Variants in ADGRB1 observed in about 807,000 individuals in gnomAD.
ADGRB1 encodes adhesion G protein-coupled receptor B1, also known as brain-specific angiogenesis inhibitor 1.
Under a neutral mutation model 175.7 loss-of-function variants are expected in ADGRB1, and 36 were observed. The ratio of observed to expected loss-of-function variants is 0.20; its 90% CI spans 0.16 to 0.27. The LOEUF (loss-of-function observed/expected upper bound fraction) is 0.27. Among genes scored for constraint, ADGRB1 ranks in the 10% least tolerant of loss-of-function variants. ADGRB1 has a pLI of 1.00. For missense variants in ADGRB1, 1,731 were observed against 2,255.3 expected, an observed-to-expected ratio of 0.77 and a Z score of 4.71; for synonymous variants, 1,054 against 979.4, an observed-to-expected ratio of 1.08 and a Z score of -1.42.
Position 142,540,887 on chromosome 8 carries a change from G to A in ADGRB1, c.3707-1054G>A, listed in dbSNP as rs182998434. 1.9e-3 allele frequency among the ~76,000 whole-genome samples: 282 copies of A among 152,180 alleles called. 1 individual carries two copies. Among genetic ancestry groups the A allele is most frequent in the Non-Finnish European group, 3.0e-3 (202 of 67,988 alleles). On this transcript the variant is annotated intron_variant, in intron 27 of 30. Transcript: ENST00000517894. ...AGAGGGTGGAGGAGAGGACCAGGCC[G>A]GGAGCATGGCCTGCTGAGCTCTGAG... is the stretch of plus-strand genomic sequence containing the variant.
chr8:142,482,684 C>T (rs1430725887), intron 11 of ADGRB1, among the ~76,000 whole-genome samples: 1 of 151,598 alleles, frequency 6.6e-6, no homozygotes, highest in African/African-American at 2.4e-5. Flanking sequence ...ACACAGTGAA[C>T]CCTGGCCCTG....
rs1482825679 is a variant in ADGRB1 at position 142,510,949 on chromosome 8, C to A, written c.2693C>A (p.Pro898His). 5.4e-6 allele frequency: 7 copies of A among 1,291,126 alleles called. No homozygotes were observed. The highest frequency in any genetic ancestry group is 1.6e-5 in the African/African-American group (1 of 63,000). The allele number at this position is 1,291,126 out of a possible 1,614,324, so 80.0% of individuals were successfully genotyped here. A position where few individuals can be genotyped will look rare whatever the true frequency, so the allele number is the denominator to read the frequency against. ...DETDVPSSSA[P>H]PQLGPWSWRG... is the part of the protein sequence containing the mutation. ...GCCCCCAGACCCTCCTCCTCCGCCCCCCCGCAGCTCGGGCCCTGGTCGTGG... is the reference window on the plus strand; with the variant it reads ...GCCCCCAGACCCTCCTCCTCCGCCCACCCGCAGCTCGGGCCCTGGTCGTGG... The change falls in exon 18 of 31, where the codon CCC becomes CAC. Residue 898 changes from proline to histidine, a missense_variant. Transcript: ENST00000517894. This position sits in a 1 kb window ranked among gnomAD's most constrained non-coding sequence, Gnocchi z 6.3.
intron 22 of ADGRB1, among the ~76,000 whole-genome samples, chr8:142,523,317 C>T (rs1465020866): frequency 7.3e-6 from 1 of 137,156 alleles, no homozygotes; most frequent in Non-Finnish European, 1.6e-5. Flanking sequence ...GAAGGGGAAC[C>T]GAGGCTTGAA....
chr8:142,541,028 T>C (rs1319145134), intron 27 of ADGRB1, among the ~76,000 whole-genome samples: 2 of 151,950 alleles, frequency 1.3e-5, no homozygotes, highest in East Asian at 3.9e-4. Context: ...GAGCAGCTGG[T>C]GAACACAGGC....
chr8:142,460,979 C>T (rs1383033009), intron 1 of ADGRB1, among the ~76,000 whole-genome samples: 1 of 152,218 alleles, frequency 6.6e-6, no homozygotes, highest in Non-Finnish European at 1.5e-5. Flanking sequence ...ACAGGGTGGG[C>T]CTCATACCCT....
intron 4 of ADGRB1, 129 bp downstream of exon 4, chr8:142,476,824 G>A (rs1841005469): frequency 2.9e-6 from 3 of 1,048,156 alleles, no homozygotes; most frequent in Non-Finnish European, 4.0e-6. Context: ...TAGGTGCAGG[G>A]CTCTTGTCTC....
rs561310911 is a variant in ADGRB1, at chr8:142,529,370, ACTTG to A, written c.3398+2747_3398+2750del. 2.9e-4 allele frequency among the ~76,000 whole-genome samples: 44 copies of A among 151,754 alleles called. 1 individual carries two copies. The South Asian group carries it at 7.5e-3, about 26-fold the overall frequency. On this transcript the variant is annotated intron_variant, in intron 24 of 30. Transcript: ENST00000517894. ...TGTGTGTGTGTGCCCATGTGAGAGT[ACTTG>A]CTTTTGTTTCAGGCTTTTAATTTCG...
intron 17 of ADGRB1, among the ~76,000 whole-genome samples, chr8:142,503,683 G>A (rs1218374172): frequency 6.6e-6 from 1 of 152,188 alleles, no homozygotes; most frequent in African/African-American, 2.4e-5. Context: ...TCTCTGCCAG[G>A]CTGGGCAGCC....
chr8:142,452,663 C>T (rs1279968265), intron 1 of ADGRB1, among the ~76,000 whole-genome samples: 1 of 152,190 alleles, frequency 6.6e-6, no homozygotes, highest in South Asian at 2.1e-4. Context: ...AGTCCCGAGA[C>T]CATCTGCGCT....
Position 142,510,988 on chromosome 8 carries a change from C to T in ADGRB1, c.2732C>T (p.Thr911Met). The T allele has an allele frequency of 7.5e-7, 1 of 1,326,140 alleles. No homozygotes were observed. Among genetic ancestry groups the T allele is most frequent in the Non-Finnish European group, 9.8e-7 (1 of 1,022,022 alleles). 82.1% of individuals were successfully genotyped at this position (1,326,140 alleles called of 1,614,324 possible). A position where few individuals can be genotyped will look rare whatever the true frequency, so the allele number is the denominator to read the frequency against. ...CCCTGGTCGTGGCGCGGCTGCCGCA[C>T]GGTGCCCCTCGACGCCCTCCGGACG... ...LGPWSWRGCR[T>M]VPLDALRTRC... Residue 911 changes from threonine (T) to methionine (M), a missense_variant, in exon 18 of 31, where the codon ACG becomes ATG. Coordinates refer to ENST00000517894, the MANE Select transcript of ADGRB1 (RefSeq NM_001702.3). The surrounding 1 kb of genome is among the most constrained non-coding windows in gnomAD (Gnocchi z 6.3).
intron 22 of ADGRB1, 85 bp downstream of exon 22, chr8:142,522,795 G>A (rs965999447): frequency 6.1e-5 from 80 of 1,318,442 alleles, no homozygotes; most frequent in Non-Finnish European, 7.9e-5. Flanking sequence ...GGCTGGCCAT[G>A]CCCTCCCCCC....
intron 1 of ADGRB1, among the ~76,000 whole-genome samples, chr8:142,451,200 G>A (rs1463419211): frequency 1.3e-5 from 2 of 152,166 alleles, no homozygotes; most frequent in Non-Finnish European, 2.9e-5. Flanking sequence ...GCGACCGGGA[G>A]GGCTTGACGG....
At chr8:142,520,253 GTGATGA>G (rs1219855123) in intron 19 of ADGRB1, among the ~76,000 whole-genome samples, 27 of 135,876 alleles carry the variant, frequency 2.0e-4, no homozygotes, top group African/African-American at 6.7e-4. Flanking sequence ...GATGGTGGTG[GTGATGA>G]TGGTGATGGT....
chr8:142,479,207 T>G, intron 7 of ADGRB1, 116 bp from the exon 8 acceptor site: 1 of 1,199,546 alleles, frequency 8.3e-7, no homozygotes, highest in Non-Finnish European at 1.1e-6. Flanking sequence ...TGGGTCCCTA[T>G]GTTTCACTGC....
intron 18 of ADGRB1, among the ~76,000 whole-genome samples, chr8:142,514,125 G>T (rs113231965): frequency 6.6e-6 from 1 of 152,064 alleles, no homozygotes; most frequent in Non-Finnish European, 1.5e-5. Flanking sequence ...GGATGGACAC[G>T]TTGGGTGTGG....
Position 142,538,760 on chromosome 8 carries a change from C to T in ADGRB1, c.3667-614C>T, listed in dbSNP as rs140629883. ...GAGGGTGGTGGGTGCCGGCCTTGGC[C>T]CTGAATTGCATGTTCAACATCCCCC... is the stretch of plus-strand genomic sequence containing the variant. On this transcript the variant is annotated intron_variant, in intron 26 of 30. Transcript: ENST00000517894. Among the ~76,000 whole-genome samples, 470 of 152,274 alleles carry T rather than the reference C, an allele frequency of 3.1e-3. 1 individual carries two copies. The highest frequency in any genetic ancestry group is 0.011 in the African/African-American group (438 of 41,538).
chr8:142,472,656 C>G (rs967582080), intron 2 of ADGRB1, among the ~76,000 whole-genome samples: 5 of 152,214 alleles, frequency 3.3e-5, no homozygotes, highest in African/African-American at 1.2e-4. Context: ...AAAATAGCAG[C>G]TACCATTTTC....
chr8:142,539,237 G>A (rs1283355293), intron 26 of ADGRB1, 137 bp from the exon 27 acceptor site: 4 of 813,386 alleles, frequency 4.9e-6, no homozygotes, highest in Non-Finnish European at 5.7e-6. Flanking sequence ...GCCCACGTGG[G>A]GCACTGGGCT....
Position 142,543,141 on chromosome 8 carries a change from C to T in ADGRB1, c.4414-262C>T, listed in dbSNP as rs1298653860. On this transcript the variant is annotated intron_variant, in intron 28 of 30. Transcript: ENST00000517894. The surrounding 1 kb of genome is among the most constrained non-coding windows in gnomAD (Gnocchi z 4.4). The stretch of plus-strand genomic sequence containing the variant: ...GGACCCAGCCATGTGGCCCCAAGTT[C>T]AGGTCTCCTTGATCCTGGGGAGTGT... Among the ~76,000 whole-genome samples the T allele has an allele frequency of 6.6e-6, 1 of 152,186 alleles. No individual in the cohort carries two copies. The highest frequency in any genetic ancestry group is 2.4e-5 in the African/African-American group (1 of 41,452).
Sources: gnomAD v4.1 joint callset for allele counts (sites outside exome capture counted in the v4.1 genomes callset) on GRCh38, gnomAD v4.1.1 for gene constraint, Gnocchi (gnomAD v3.1) non-coding constraint, MANE v1.5 for transcripts, NCBI Gene and HGNC (gene_info 2026-07-23, HGNC 2026-07-21) for gene names.